The following MIA2 variants were observed in gnomAD, a reference collection of about 807,000 sequenced individuals.
The protein encoded by MIA2 is melanoma inhibitory activity protein 2.
MIA2 carries 127 observed loss-of-function variants against 167.8 expected under a neutral mutation model. The ratio of observed to expected loss-of-function variants is 0.76; its 90% CI spans 0.66 to 0.88. The LOEUF (loss-of-function observed/expected upper bound fraction) is 0.88. Ranked by LOEUF, MIA2 falls within the 40% of genes least tolerant of loss-of-function variation. The probability of loss-of-function intolerance (pLI) is 0.00; values close to 1 mark genes in which losing one functional copy is unlikely to be tolerated. For missense variants in MIA2, 1,690 were observed against 1,624.7 expected (o/e 1.04, Z -0.69); for synonymous variants, 552 against 541.9 (o/e 1.02, Z -0.26).
At chr14:39,312,020 G>A (rs2064398805) in intron 18 of MIA2, among the ~76,000 whole-genome samples, 1 of 151,592 alleles carries the variant, frequency 6.6e-6, no homozygotes, top group Admixed American at 6.6e-5. Context: ...AGTGGAGATG[G>A]GGTTTCACCA....
intron 25 of MIA2, among the ~76,000 whole-genome samples, chr14:39,344,275 T>TA (rs2072709873): frequency 6.6e-6 from 1 of 152,178 alleles, no homozygotes; most frequent in Non-Finnish European, 1.5e-5. Context: ...GAGACCTGAT[T>TA]AAAAAAGAGT....
exon 24 of MIA2, chr14:39,386,967 C>G (rs2075282489): frequency 2.6e-6 from 2 of 779,968 alleles, no homozygotes; most frequent in Non-Finnish European, 4.4e-6. Context: ...GAAGCATTGG[C>G]GGATGAGACT....
intron 6 of MIA2, chr14:39,276,712 C>T: frequency 2.1e-6 from 1 of 467,362 alleles, no homozygotes; most frequent in South Asian, 2.3e-5. Flanking sequence ...TAAGTCACCT[C>T]TGTAGAACTC....
Position 39,385,467 on chromosome 14 carries a change from C to T in MIA2, c.2249-1418C>T, listed in dbSNP as rs570624717. ...TCAGTCTTGGGTCAATCAACTCTCT[C>T]CAAAATACAGTGATCTTGCTCTCCT... is the stretch of plus-strand genomic sequence containing the variant. On this transcript the variant is annotated intron_variant, in intron 23 of 23. Transcript: ENST00000341502. 4.7e-6 allele frequency: 5 copies of T among 1,072,256 alleles called. No individual in the cohort carries two copies. In the Admixed American group the frequency reaches 6.8e-5, roughly 14 times the overall value. The allele number at this position is 1,072,256 out of a possible 1,614,324, so 66.4% of individuals were successfully genotyped here.
intron 23 of MIA2, chr14:39,386,250 C>T: frequency 1.4e-6 from 2 of 1,433,648 alleles, no homozygotes; most frequent in Non-Finnish European, 9.8e-7. Context: ...GTAGAGGGTC[C>T]TTCCTTTGAT....
At chr14:39,255,073 C>T (rs1490320184) in intron 6 of MIA2, among the ~76,000 whole-genome samples, 7 of 152,114 alleles carry the variant, frequency 4.6e-5, no homozygotes, top group Non-Finnish European at 8.8e-5. Context: ...CATCATTTTG[C>T]TTTCAGAGGC....
At position 39,295,021 on chromosome 14, in the gene MIA2, C is replaced by G. The variant is rs1289176658; in HGVS notation, c.2488C>G (p.Gln830Glu). The G allele has an allele frequency of 3.1e-6, 5 of 1,607,736 alleles. No homozygotes were observed. Among genetic ancestry groups the G allele is most frequent in the Non-Finnish European group, 4.3e-6 (5 of 1,174,496 alleles). Reference sequence around the variant, plus strand: ...TGAAAATTCTCAACTTCAGGAAAGCCAGAAACAGGTTTGTGCTCCGTAGGG... The same window carrying G: ...TGAAAATTCTCAACTTCAGGAAAGCGAGAAACAGGTTTGTGCTCCGTAGGG... The part of the protein sequence containing the change: ...LNENSQLQES[Q>E]KQLLQEAEVW... Residue 830 changes from glutamine to glutamate, a missense_variant, in exon 13 of 29, where the codon CAG becomes GAG. Coordinates refer to ENST00000640607, the MANE Select transcript of MIA2 (RefSeq NM_001329214.4).
At chr14:39,280,503 C>A (rs765227962) in intron 9 of MIA2, among the ~76,000 whole-genome samples, 1 of 151,998 alleles carries the variant, frequency 6.6e-6, no homozygotes, top group Non-Finnish European at 1.5e-5. Context: ...GAGGCTGAGG[C>A]GGGCAAATCA....
chr14:39,320,123 A>G (rs1427306800), intron 23 of MIA2, among the ~76,000 whole-genome samples: 2 of 139,896 alleles, frequency 1.4e-5, no homozygotes, highest in South Asian at 2.1e-4. Flanking sequence ...GTCTGAATCC[A>G]ACACAAAATT....
At chr14:39,343,249 A>T (rs1256496479) in intron 25 of MIA2, among the ~76,000 whole-genome samples, 5 of 152,088 alleles carry the variant, frequency 3.3e-5, no homozygotes, top group Admixed American at 2.0e-4. Flanking sequence ...GGTTCAAGCG[A>T]TTCTTGTGTC....
intron 6 of MIA2, among the ~76,000 whole-genome samples, chr14:39,259,126 T>C (rs1469649328): frequency 6.6e-6 from 1 of 152,216 alleles, no homozygotes; most frequent in Non-Finnish European, 1.5e-5. Flanking sequence ...AGAATCCCTC[T>C]TGTTAGGATC....
intron 24 of MIA2, among the ~76,000 whole-genome samples, chr14:39,324,858 C>T (rs770604370): frequency 7.9e-5 from 12 of 152,114 alleles, no homozygotes; most frequent in African/African-American, 1.9e-4. Context: ...CCGCCCACCT[C>T]GGCCTCCCAG....
At chr14:39,288,473 A>AT (rs1338351779) in intron 9 of MIA2, among the ~76,000 whole-genome samples, 15 of 51,420 alleles carry the variant, frequency 2.9e-4, no homozygotes, top group African/African-American at 1.1e-3. Context: ...ATATATATAT[A>AT]TATTTTTTTT....
Position 39,250,709 on chromosome 14 carries a change from C to CATATATAT in MIA2, c.1568-2022_1568-2015dup, listed in dbSNP as rs72114250. Among the ~76,000 whole-genome samples, 74 of 143,604 alleles carry CATATATAT rather than the reference C, an allele frequency of 5.2e-4. 2 individuals carry two copies. Among genetic ancestry groups the CATATATAT allele is most frequent in the Non-Finnish European group, 9.2e-4 (61 of 65,946 alleles). 94.2% of individuals were successfully genotyped at this position (143,604 alleles called of 152,430 possible). On this transcript the variant is annotated intron_variant, in intron 4 of 28. Coordinates refer to ENST00000640607, the MANE Select transcript of MIA2 (RefSeq NM_001329214.4). ...AGACTCAGTCTCAAAAAAAAATATG[C>CATATATAT]ATATATATATATATATATATATATT...
At chr14:39,267,188 G>T in intron 6 of MIA2, 1 of 1,258,200 alleles carries the variant, frequency 7.9e-7, no homozygotes, top group African/African-American at 1.6e-5. Context: ...GGCGAGGACA[G>T]GGTACGTCGC....
intron 28 of MIA2, among the ~76,000 whole-genome samples, chr14:39,349,197 A>C (rs1204407909): frequency 6.6e-6 from 1 of 152,144 alleles, no homozygotes; most frequent in Non-Finnish European, 1.5e-5. Flanking sequence ...ATATAGAATT[A>C]TTTCTGTATT....
rs2053681706 is a variant in MIA2, at chr14:39,235,272, T to C, written c.115+1043T>C. Among the ~76,000 whole-genome samples the C allele has an allele frequency of 2.0e-5, 3 of 152,258 alleles. No homozygotes were observed. In the South Asian group the frequency reaches 6.2e-4, roughly 32 times the overall value. On this transcript the variant is annotated intron_variant, in intron 1 of 28. Transcript: ENST00000640607. Reference sequence around the variant, plus strand: ...CCTGAGCTCAGGGAATCCACCTGCCTCAGCCTCCCAAAGTGCTAAGATTAC... The same window carrying C: ...CCTGAGCTCAGGGAATCCACCTGCCCCAGCCTCCCAAAGTGCTAAGATTAC...
At chr14:39,323,140 G>T (rs752896107) in intron 24 of MIA2, among the ~76,000 whole-genome samples, 4 of 152,146 alleles carry the variant, frequency 2.6e-5, no homozygotes, top group Admixed American at 6.5e-5. Flanking sequence ...ACTTACTACT[G>T]TATGGTCATG....
At chr14:39,305,551 C>T (rs2063195607) in intron 17 of MIA2, among the ~76,000 whole-genome samples, 1 of 152,136 alleles carries the variant, frequency 6.6e-6, no homozygotes, top group Non-Finnish European at 1.5e-5. Flanking sequence ...ATGTTTTATT[C>T]ATAGCATGAA....
Sources: allele counts gnomAD v4.1 joint callset (sites outside exome capture counted in the v4.1 genomes callset), GRCh38; gene constraint gnomAD v4.1.1; transcripts MANE v1.5; gene names NCBI Gene and HGNC (gene_info 2026-07-23, HGNC 2026-07-21).